The following FAM181B variants were observed in gnomAD, a reference collection of about 807,000 sequenced individuals.
FAM181B encodes family with sequence similarity 181 member B.
Under a neutral mutation model 17.8 loss-of-function variants are expected in FAM181B, and 13 were observed. The observed-to-expected ratio is 0.73, with a 90% CI of 0.48 to 1.16. FAM181B has a LOEUF of 1.16. FAM181B is among the 50% of genes most tolerant of loss of function. The pLI, the probability that FAM181B is intolerant of heterozygous loss-of-function variation, is 0.00. For missense variants in FAM181B, 725 were observed against 634.1 expected, an observed-to-expected ratio of 1.14 and a Z score of -1.54; for synonymous variants, 338 against 316.5, an observed-to-expected ratio of 1.07 and a Z score of -0.72.
Position 82,732,616 on chromosome 11 carries a change from A to G in FAM181B, c.1114T>C (p.Ser372Pro). ...CAGTCTGGAAAGAAGGGGGCGAAAG[A>G]GGCCAAATGGCCCCGCCCGTCCTCC... ...GGEDGRGHLASFAPFFPDCAL... is the reference protein window; with the variant it reads ...GGEDGRGHLAPFAPFFPDCAL... The change falls in exon 1 of 1, where the codon TCT becomes CCT. Residue 372 changes from serine to proline, a missense_variant. By Grantham distance (74) the Ser-to-Pro change is moderately conservative. Coordinates refer to ENST00000329203, the MANE Select transcript of FAM181B (RefSeq NM_175885.4). 6.4e-7 allele frequency: 1 copy of G among 1,568,072 alleles called. No homozygotes were observed. The highest frequency in any genetic ancestry group is 1.2e-5 in the South Asian group (1 of 85,872).
rs1381507048 is a variant in FAM181B, at chr11:82,733,313, G to A, written c.417C>T (p.Ala139=). Residue 139 remains alanine (A), a synonymous_variant, in exon 1 of 1, where the codon GCC becomes GCT. Transcript: ENST00000329203. ...LAAPSAPTVA[A]PAHGKAAPRR... is the part of the protein sequence containing the mutation. ...GGGGGGCAGCCTTGCCGTGGGCCGGGGCCGCGACTGTCGGGGCGCTAGGGG... is the reference window on the plus strand; with the variant it reads ...GGGGGGCAGCCTTGCCGTGGGCCGGAGCCGCGACTGTCGGGGCGCTAGGGG... 1.6e-6 allele frequency: 2 copies of A among 1,244,718 alleles called. No homozygotes were observed. The highest frequency in any genetic ancestry group is 6.6e-5 in the East Asian group (2 of 30,138). The allele number at this position is 1,244,718 out of a possible 1,614,324, so 77.1% of individuals were successfully genotyped here.
Position 82,733,427 on chromosome 11 carries a change from G to C in FAM181B, c.303C>G (p.Ile101Met). 5.1e-6 allele frequency: 8 copies of C among 1,566,752 alleles called. No individual in the cohort carries two copies. Among genetic ancestry groups the C allele is most frequent in the Non-Finnish European group, 6.9e-6 (8 of 1,156,890 alleles). Residue 101 changes from isoleucine (I) to methionine (M), a missense_variant, in exon 1 of 1, where the codon ATC (isoleucine) becomes ATG (methionine). Ile to Met is a conservative substitution (Grantham distance 10). Transcript: ENST00000329203. ...VNHRKYLQKQIKRCSGLMGAA... is the reference protein window; with the variant it reads ...VNHRKYLQKQMKRCSGLMGAA... ...CGCCCATGAGGCCGCTGCAGCGCTT[G>C]ATCTGCTTCTGCAGGTACTTGCGGT...
At position 82,733,304 on chromosome 11, in the gene FAM181B, G is replaced by A. The variant is rs1857163869; in HGVS notation, c.426C>T (p.His142=). The change falls in exon 1 of 1, where the codon CAC becomes CAT. Residue 142 remains histidine (H), a synonymous_variant. Transcript: ENST00000329203. Reference sequence around the variant, plus strand: ...CCTCCCGCCGGGGGGCAGCCTTGCCGTGGGCCGGGGCCGCGACTGTCGGGG... The same window carrying A: ...CCTCCCGCCGGGGGGCAGCCTTGCCATGGGCCGGGGCCGCGACTGTCGGGG... ...PSAPTVAAPA[H]GKAAPRREAS... 1 of 1,231,252 alleles carries A rather than the reference G, an allele frequency of 8.1e-7. No homozygotes were observed. The allele number at this position is 1,231,252 out of a possible 1,614,324, so 76.3% of individuals were successfully genotyped here. A position where few individuals can be genotyped will look rare whatever the true frequency, so the allele number is the denominator to read the frequency against.
chr11:82,732,715 C>G lies in FAM181B; in HGVS notation c.1015G>C (p.Ala339Pro). The change falls in exon 1 of 1, where the codon GCC (alanine) becomes CCC (proline). Residue 339 changes from alanine (A) to proline (P), a missense_variant. Ala to Pro is a conservative substitution (Grantham distance 27). Transcript: ENST00000329203. ...CSPTKKSPLT[A>P]PRGGLTLNEP... Reference sequence around the variant, plus strand: ...TTCAAGGTCAAGCCGCCGCGGGGGGCAGTCAGGGGGCTCTTTTTGGTCGGG... The same window carrying G: ...TTCAAGGTCAAGCCGCCGCGGGGGGGAGTCAGGGGGCTCTTTTTGGTCGGG... 1 of 1,456,826 alleles carries G rather than the reference C, an allele frequency of 6.9e-7. No individual in the cohort carries two copies. Among genetic ancestry groups the G allele is most frequent in the South Asian group, 1.5e-5 (1 of 68,682 alleles). 90.2% of individuals were successfully genotyped at this position (1,456,826 alleles called of 1,614,324 possible).
chr11:82,733,675 C>T lies in FAM181B; in HGVS notation c.55G>A (p.Gly19Arg), dbSNP rs896621532. ...CCCCCTAGCCCGTCCGGGGAGCCCC[C>T]GAAGCCGAAGGGCACGAAAGGGTGC... is the stretch of plus-strand genomic sequence containing the variant. ...STHPFVPFGF[G>R]GSPDGLGGAF... The change falls in exon 1 of 1, where the codon GGG becomes AGG. Residue 19 changes from glycine to arginine, a missense_variant. By Grantham distance (125) the Gly-to-Arg change is moderately radical. Coordinates refer to ENST00000329203, the MANE Select transcript of FAM181B (RefSeq NM_175885.4). 8 of 1,543,088 alleles carry T rather than the reference C, an allele frequency of 5.2e-6. No individual in the cohort carries two copies. Among genetic ancestry groups the T allele is most frequent in the Non-Finnish European group, 6.1e-6 (7 of 1,149,592 alleles).
Position 82,733,679 on chromosome 11 carries a change from G to T in FAM181B, c.51C>A (p.Gly17=). Residue 17 remains glycine, a synonymous_variant, in exon 1 of 1, where the codon GGC becomes GGA. Transcript: ENST00000329203. ...CTAGCCCGTCCGGGGAGCCCCCGAAGCCGAAGGGCACGAAAGGGTGCGTGC... is the reference window on the plus strand; with the variant it reads ...CTAGCCCGTCCGGGGAGCCCCCGAATCCGAAGGGCACGAAAGGGTGCGTGC... The part of the protein sequence containing the change: ...LLSTHPFVPF[G]FGGSPDGLGG... The T allele has an allele frequency of 6.5e-7, 1 of 1,539,690 alleles. No individual in the cohort carries two copies.
At position 82,733,713 on chromosome 11, in the gene FAM181B, G is replaced by C. The variant is rs951181509; in HGVS notation, c.17C>G (p.Ala6Gly). Reference sequence around the variant, plus strand: ...CACGAAAGGGTGCGTGCTGAGGAGCGCCGCCTGCACCGCCATCGCCGCGGC... The same window carrying C: ...CACGAAAGGGTGCGTGCTGAGGAGCCCCGCCTGCACCGCCATCGCCGCGGC... MAVQAALLSTHPFVPF... is the reference protein window; with the variant it reads MAVQAGLLSTHPFVPF... The change falls in exon 1 of 1, where the codon GCG (alanine) becomes GGG (glycine). Residue 6 changes from alanine to glycine, a missense_variant. By Grantham distance (60) the Ala-to-Gly change is moderately conservative (BLOSUM62 0). Coordinates refer to ENST00000329203, the MANE Select transcript of FAM181B (RefSeq NM_175885.4). The C allele has an allele frequency of 9.0e-5, 129 of 1,438,078 alleles. No individual in the cohort carries two copies. The highest frequency in any genetic ancestry group is 1.1e-4 in the Non-Finnish European group (125 of 1,095,630). The allele number at this position is 1,438,078 out of a possible 1,614,324, so 89.1% of individuals were successfully genotyped here.
chr11:82,733,361 C>G lies in FAM181B; in HGVS notation c.369G>C (p.Thr123=). 7.4e-7 allele frequency: 1 copy of G among 1,353,764 alleles called. No homozygotes were observed. Among genetic ancestry groups the G allele is most frequent in the South Asian group, 1.7e-5 (1 of 58,610 alleles). The allele number at this position is 1,353,764 out of a possible 1,614,324, so 83.9% of individuals were successfully genotyped here. ...PGPPSPSAAD[T]PAKRPLAAPS... The stretch of plus-strand genomic sequence containing the variant: ...GGGCGGCCAGCGGCCGTTTGGCTGG[C>G]GTGTCGGCGGCGCTCGGGGAGGGCG... Residue 123 remains threonine (T), a synonymous_variant, in exon 1 of 1, where the codon ACG becomes ACC. Coordinates refer to ENST00000329203, the MANE Select transcript of FAM181B (RefSeq NM_175885.4).
Position 82,733,545 on chromosome 11 carries a change from G to T in FAM181B, c.185C>A (p.Ala62Asp). The T allele has an allele frequency of 6.2e-7, 1 of 1,601,144 alleles. No homozygotes were observed. Residue 62 changes from alanine (A) to aspartate (D), a missense_variant, in exon 1 of 1, where the codon GCC becomes GAC. Coordinates refer to ENST00000329203, the MANE Select transcript of FAM181B (RefSeq NM_175885.4). ...SGAEGGDVRE[A>D]TRDLLSFIDS... ...AATGAAGCTGAGTAGATCGCGGGTGGCCTCGCGCACGTCCCCTCCTTCGGC... is the reference window on the plus strand; with the variant it reads ...AATGAAGCTGAGTAGATCGCGGGTGTCCTCGCGCACGTCCCCTCCTTCGGC...
Position 82,731,407 on chromosome 11 carries a change from C to T in FAM181B, c.*1042G>A, listed in dbSNP as rs1857128790. The T allele has an allele frequency of 6.6e-6, 1 of 152,096 alleles. No homozygotes were observed. Among genetic ancestry groups the T allele is most frequent in the Non-Finnish European group, 1.5e-5 (1 of 68,032 alleles). The allele number at this position is 152,096 out of a possible 1,614,324, so 9.4% of individuals were successfully genotyped here. Reference sequence around the variant, plus strand: ...CAATCACCAGGCAAGTAGATAGCCCCCCGCCAAAAAAGGCATGGGACTCAC... The same window carrying T: ...CAATCACCAGGCAAGTAGATAGCCCTCCGCCAAAAAAGGCATGGGACTCAC... On this transcript the variant is annotated 3_prime_UTR_variant, in exon 1 of 1. Transcript: ENST00000329203.
In FAM181B at chr11:82,733,395, G is replaced by A. The variant is rs1356758665; in HGVS notation, c.335C>T (p.Pro112Leu). Residue 112 changes from proline (P) to leucine (L), a missense_variant, in exon 1 of 1, where the codon CCC becomes CTC. Coordinates refer to ENST00000329203, the MANE Select transcript of FAM181B (RefSeq NM_175885.4). ...GGCGCTCGGGGAGGGCGGGCCGGGG[G>A]GCGCGGCGCCCATGAGGCCGCTGCA... ...KRCSGLMGAA[P>L]PGPPSPSAAD... 4 of 1,476,332 alleles carry A rather than the reference G, an allele frequency of 2.7e-6. No homozygotes were observed. The Admixed American group carries it at 7.1e-5, about 26-fold the overall frequency. 91.5% of individuals were successfully genotyped at this position (1,476,332 alleles called of 1,614,324 possible).
Position 82,733,433 on chromosome 11 carries a change from C to T in FAM181B, c.297G>A (p.Lys99=). Residue 99 remains lysine (K), a synonymous_variant, in exon 1 of 1, where the codon AAG becomes AAA. Coordinates refer to ENST00000329203, the MANE Select transcript of FAM181B (RefSeq NM_175885.4). ...RKVNHRKYLQ[K]QIKRCSGLMG... is the part of the protein sequence containing the mutation. Reference sequence around the variant, plus strand: ...TGAGGCCGCTGCAGCGCTTGATCTGCTTCTGCAGGTACTTGCGGTGGTTCA... The same window carrying T: ...TGAGGCCGCTGCAGCGCTTGATCTGTTTCTGCAGGTACTTGCGGTGGTTCA... The T allele has an allele frequency of 6.3e-7, 1 of 1,581,166 alleles. No homozygotes were observed. Among genetic ancestry groups the T allele is most frequent in the Non-Finnish European group, 8.6e-7 (1 of 1,163,902 alleles).
chr11:82,733,297 C>A lies in FAM181B; in HGVS notation c.433G>T (p.Ala145Ser), dbSNP rs1315508846. ...TGCGACGCCTCCCGCCGGGGGGCAGCCTTGCCGTGGGCCGGGGCCGCGACT... is the reference window on the plus strand; with the variant it reads ...TGCGACGCCTCCCGCCGGGGGGCAGACTTGCCGTGGGCCGGGGCCGCGACT... Reference protein sequence around the residue: ...PTVAAPAHGKAAPRREASQAA... With the variant: ...PTVAAPAHGKSAPRREASQAA... Residue 145 changes from alanine to serine, a missense_variant, in exon 1 of 1, where the codon GCT becomes TCT. Transcript: ENST00000329203. 4.1e-6 allele frequency: 5 copies of A among 1,230,752 alleles called. No homozygotes were observed. The highest frequency in any genetic ancestry group is 5.1e-6 in the Non-Finnish European group (5 of 989,136). The allele number at this position is 1,230,752 out of a possible 1,614,324, so 76.2% of individuals were successfully genotyped here.
chr11:82,733,824 C>T lies in FAM181B; in HGVS notation c.-95G>A, dbSNP rs537184545. On this transcript the variant is annotated 5_prime_UTR_variant, in exon 1 of 1. Coordinates refer to ENST00000329203, the MANE Select transcript of FAM181B (RefSeq NM_175885.4). ...CCAGCTCCCGCCCCGGCGCGGCGCG[C>T]GCGGCGCAGCCTACTAGTTCCGGGC... The T allele has an allele frequency of 8.8e-4, 921 of 1,047,640 alleles. 5 individuals carry two copies. Among genetic ancestry groups the T allele is most frequent in the Admixed American group, 2.1e-3 (45 of 21,396 alleles). 64.9% of individuals were successfully genotyped at this position (1,047,640 alleles called of 1,614,324 possible). A position where few individuals can be genotyped will look rare whatever the true frequency, so the allele number is the denominator to read the frequency against.
Position 82,730,424 on chromosome 11 carries a change from T to C in FAM181B, c.*2025A>G, listed in dbSNP as rs557416418. 8 of 152,350 alleles carry C rather than the reference T, an allele frequency of 5.3e-5. No individual in the cohort carries two copies. In the South Asian group the frequency reaches 1.7e-3, roughly 32 times the overall value. 9.4% of individuals were successfully genotyped at this position (152,350 alleles called of 1,614,324 possible). A position where few individuals can be genotyped will look rare whatever the true frequency, so the allele number is the denominator to read the frequency against. On this transcript the variant is annotated 3_prime_UTR_variant, in exon 1 of 1. Coordinates refer to ENST00000329203, the MANE Select transcript of FAM181B (RefSeq NM_175885.4). ...AAAGGAGAGGAGAATTAAGAAACATTACAATGACACTATAGTCTTAGTAAC... is the reference window on the plus strand; with the variant it reads ...AAAGGAGAGGAGAATTAAGAAACATCACAATGACACTATAGTCTTAGTAAC...
rs755654834 is a variant in FAM181B at position 82,732,465 on chromosome 11, CCCT to C, written c.1262_1264del (p.Glu421del). ...GCCTCGAAGTCAGTCCCGGTGCGCC[CCCT>C]CCTCCCCCGGCGCCCCTTCCCAAAC... is the stretch of plus-strand genomic sequence containing the variant. On this transcript the variant is annotated inframe_deletion, in exon 1 of 1. Transcript: ENST00000329203. 1 of 1,612,910 alleles carries C rather than the reference CCCT, an allele frequency of 6.2e-7. No individual in the cohort carries two copies. The highest frequency in any genetic ancestry group is 8.5e-7 in the Non-Finnish European group (1 of 1,179,926).
rs765942420 is a variant in FAM181B at position 82,733,766 on chromosome 11, G to A, written c.-37C>T. 2.9e-5 allele frequency: 38 copies of A among 1,300,294 alleles called. 1 individual carries two copies. The South Asian group carries it at 6.5e-4, about 22-fold the overall frequency. 80.5% of individuals were successfully genotyped at this position (1,300,294 alleles called of 1,614,324 possible). A position where few individuals can be genotyped will look rare whatever the true frequency, so the allele number is the denominator to read the frequency against. Reference sequence around the variant, plus strand: ...CCGGGCTGTCCGCAGCGCTGCCCGTGCGCCCCCGCCAGCTCCTGCCCGCCG... The same window carrying A: ...CCGGGCTGTCCGCAGCGCTGCCCGTACGCCCCCGCCAGCTCCTGCCCGCCG... On this transcript the variant is annotated 5_prime_UTR_variant, in exon 1 of 1. Coordinates refer to ENST00000329203, the MANE Select transcript of FAM181B (RefSeq NM_175885.4).
rs1159536806 is a variant in FAM181B at position 82,731,401 on chromosome 11, T to C, written c.*1048A>G. 1.3e-5 allele frequency: 2 copies of C among 152,232 alleles called. No homozygotes were observed. Among genetic ancestry groups the C allele is most frequent in the African/African-American group, 2.4e-5 (1 of 41,428 alleles). 9.4% of individuals were successfully genotyped at this position (152,232 alleles called of 1,614,324 possible). A position where few individuals can be genotyped will look rare whatever the true frequency, so the allele number is the denominator to read the frequency against. ...AAAGGGCAATCACCAGGCAAGTAGATAGCCCCCCGCCAAAAAAGGCATGGG... is the reference window on the plus strand; with the variant it reads ...AAAGGGCAATCACCAGGCAAGTAGACAGCCCCCCGCCAAAAAAGGCATGGG... On this transcript the variant is annotated 3_prime_UTR_variant, in exon 1 of 1. Transcript: ENST00000329203.
chr11:82,732,160 G>A lies in FAM181B; in HGVS notation c.*289C>T, dbSNP rs1174141254. 2 of 449,546 alleles carry A rather than the reference G, an allele frequency of 4.4e-6. No individual in the cohort carries two copies. Among genetic ancestry groups the A allele is most frequent in the Non-Finnish European group, 7.8e-6 (2 of 255,438 alleles). 27.8% of individuals were successfully genotyped at this position (449,546 alleles called of 1,614,324 possible). On this transcript the variant is annotated 3_prime_UTR_variant, in exon 1 of 1. Coordinates refer to ENST00000329203, the MANE Select transcript of FAM181B (RefSeq NM_175885.4). ...ACAGAAGCCAGCTCTTACCCCTTTTGCCGTCCCCACCCCATACCCCAAACC... is the reference window on the plus strand; with the variant it reads ...ACAGAAGCCAGCTCTTACCCCTTTTACCGTCCCCACCCCATACCCCAAACC...
Sources: gnomAD v4.1 joint callset for allele counts on GRCh38, gnomAD v4.1.1 for gene constraint, MANE v1.5 for transcripts, NCBI Gene and HGNC (gene_info 2026-07-23, HGNC 2026-07-21) for gene names.